ANGPTL3: variants seen among roughly 807,000 people sequenced by gnomAD.
ANGPTL3 encodes the protein angiopoietin-related protein 3.
ANGPTL3 carries 51 observed loss-of-function variants against 52.7 expected under a neutral mutation model. The observed-to-expected ratio is 0.97, with a 90% confidence interval of 0.77 to 1.22. ANGPTL3 has a LOEUF of 1.22. ANGPTL3 is among the 50% of genes most tolerant of loss of function. ANGPTL3 has a pLI of 0.00. For missense variants in ANGPTL3, 506 were observed against 520.7 expected (o/e 0.97, Z 0.27); for synonymous variants, 185 against 179.8 (o/e 1.03, Z -0.23).
chr1:62,604,475 T>C (rs1650650837), intron 6 of ANGPTL3, 158 bp from the exon 7 acceptor site: 3 of 924,222 alleles, frequency 3.2e-6, no homozygotes, highest in Non-Finnish European at 4.9e-6. Flanking sequence ...ATACAGATTA[T>C]TTAAAATTGG....
chr1:62,605,290 G>A lies in ANGPTL3; in HGVS notation c.*473G>A, dbSNP rs1395745995. On this transcript the variant is annotated 3_prime_UTR_variant, in exon 7 of 7. Coordinates refer to ENST00000371129, the MANE Select transcript of ANGPTL3 (RefSeq NM_014495.4). ...AGTATTAATTTCAAAACTAAAAATC[G>A]TCAGCACAGAGTATGTGTAAAAATC... 1 of 155,020 alleles carries A rather than the reference G, an allele frequency of 6.5e-6. No individual in the cohort carries two copies. Among genetic ancestry groups the A allele is most frequent in the African/African-American group, 2.4e-5 (1 of 41,530 alleles). The allele number at this position is 155,020 out of a possible 1,614,324, so 9.6% of individuals were successfully genotyped here. A position where few individuals can be genotyped will look rare whatever the true frequency, so the allele number is the denominator to read the frequency against.
intron 5 of ANGPTL3, 140 bp downstream of exon 5, chr1:62,602,520 T>C (rs1006481031): frequency 5.6e-6 from 4 of 716,026 alleles, no homozygotes; most frequent in Non-Finnish European, 9.9e-6. Context: ...TATCAAACAA[T>C]TACACATTTG....
At position 62,598,056 on chromosome 1, in the gene ANGPTL3, C is replaced by A. The variant is rs775976787; in HGVS notation, c.490C>A (p.Leu164Ile). The change falls in exon 1 of 7, where the codon CTT becomes ATT. Residue 164 changes from leucine to isoleucine, a missense_variant. Leu to Ile is a conservative substitution (Grantham distance 5). Transcript: ENST00000371129. ...ETPEHPEVTSLKTFVEKQDNS... is the reference protein window; with the variant it reads ...ETPEHPEVTSIKTFVEKQDNS... Reference sequence around the variant, plus strand: ...TCCAGAACACCCAGAAGTAACTTCACTTAAAGTAAGTAGAAAATAAAGAGG... The same window carrying A: ...TCCAGAACACCCAGAAGTAACTTCAATTAAAGTAAGTAGAAAATAAAGAGG... The A allele has an allele frequency of 6.3e-7, 1 of 1,580,328 alleles. No homozygotes were observed.
chr1:62,604,576 G>A, intron 6 of ANGPTL3, 57 bp from the exon 7 acceptor site: 2 of 1,526,074 alleles, frequency 1.3e-6, no homozygotes, highest in Middle Eastern at 3.4e-4. Flanking sequence ...GGGAAATACA[G>A]TAACAGTAAC....
At position 62,604,652 on chromosome 1, in the gene ANGPTL3, T is replaced by C. The variant is rs763799677; in HGVS notation, c.1218T>C (p.Asp406=). 3 of 1,613,148 alleles carry C rather than the reference T, an allele frequency of 1.9e-6. No individual in the cohort carries two copies. The highest frequency in any genetic ancestry group is 1.1e-5 in the South Asian group (1 of 91,070). The change falls in exon 7 of 7, where the codon GAT becomes GAC. Residue 406 remains aspartate, a synonymous_variant. Transcript: ENST00000371129. ...CTTTAGGAGGCTGGTGGTGGCATGA[T>C]GAGTGTGGAGAAAACAACCTAAATG... ...EGYSGGWWWH[D]ECGENNLNGK...
intron 5 of ANGPTL3, among the ~76,000 whole-genome samples, chr1:62,602,833 A>G (rs1231759636): frequency 6.6e-6 from 1 of 151,572 alleles, no homozygotes; most frequent in East Asian, 1.9e-4. Flanking sequence ...TAAAATTTCA[A>G]TTATTTAAAT....
chr1:62,601,410 G>C (rs963054907), intron 3 of ANGPTL3, among the ~76,000 whole-genome samples: 1 of 151,558 alleles, frequency 6.6e-6, no homozygotes, highest in Non-Finnish European at 1.5e-5. Context: ...AGATAATATA[G>C]AAGGTTTATT....
intron 6 of ANGPTL3, 147 bp downstream of exon 6, chr1:62,604,382 A>C: frequency 9.5e-7 from 1 of 1,047,728 alleles, no homozygotes; most frequent in Non-Finnish European, 1.4e-6. Context: ...AACTATAATG[A>C]AAGTGTTCAT....
chr1:62,602,573 A>G (rs1650312914), intron 5 of ANGPTL3, among the ~76,000 whole-genome samples, 193 bp downstream of exon 5: 1 of 151,780 alleles, frequency 6.6e-6, no homozygotes, highest in Non-Finnish European at 1.5e-5. Flanking sequence ...TTTGAATTAT[A>G]TTTATCACAA....
rs908659981 is a variant in ANGPTL3, at chr1:62,604,748, T to C, written c.1314T>C (p.Asn438=). The C allele has an allele frequency of 8.7e-6, 14 of 1,613,074 alleles. No homozygotes were observed. The African/African-American group carries it at 1.9e-4, about 22-fold the overall frequency. The change falls in exon 7 of 7, where the codon AAT becomes AAC. Residue 438 remains asparagine, a synonymous_variant. Coordinates refer to ENST00000371129, the MANE Select transcript of ANGPTL3 (RefSeq NM_014495.4). The part of the protein sequence containing the change: ...RRRGLSWKSQ[N]GRLYSIKSTK... ...GAGGATTATCTTGGAAGTCTCAAAA[T>C]GGAAGGTTATACTCTATAAAATCAA...
intron 3 of ANGPTL3, 77 bp downstream of exon 3, chr1:62,601,273 A>G: frequency 9.8e-7 from 1 of 1,017,430 alleles, no homozygotes; most frequent in Non-Finnish European, 1.5e-6. Context: ...TTCTAGACTA[A>G]AAGATAGTTA....
chr1:62,604,172 T>G lies in ANGPTL3; in HGVS notation c.1135T>G (p.Leu379Val), dbSNP rs1355948879. Reference sequence around the variant, plus strand: ...CAATGCAATCCCGGAAAACAAAGATTTGGTGTTTTCTACTTGGGATCACAA... The same window carrying G: ...CAATGCAATCCCGGAAAACAAAGATGTGGTGTTTTCTACTTGGGATCACAA... ...VPNAIPENKD[L>V]VFSTWDHKAK... is the part of the protein sequence containing the mutation. The change falls in exon 6 of 7, where the codon TTG (leucine) becomes GTG (valine). Residue 379 changes from leucine (L) to valine (V), a missense_variant. By Grantham distance (32) the Leu-to-Val change is conservative. Coordinates refer to ENST00000371129, the MANE Select transcript of ANGPTL3 (RefSeq NM_014495.4). 1.2e-6 allele frequency: 2 copies of G among 1,613,342 alleles called. No homozygotes were observed. Among genetic ancestry groups the G allele is most frequent in the Non-Finnish European group, 1.7e-6 (2 of 1,179,454 alleles).
At position 62,598,158 on chromosome 1, in the gene ANGPTL3, A is replaced by C; in HGVS notation, c.495+97A>C. 2.7e-6 allele frequency: 3 copies of C among 1,127,664 alleles called. No individual in the cohort carries two copies. The South Asian group carries it at 6.7e-5, about 25-fold the overall frequency. 69.9% of individuals were successfully genotyped at this position (1,127,664 alleles called of 1,614,324 possible). ...CATGCCATTTGAAATACTTTGTTGC[A>C]TTGTTGAAATACTTTTTTTTCCAAG... On this transcript the variant is annotated intron_variant, in intron 1 of 6. Coordinates refer to ENST00000371129, the MANE Select transcript of ANGPTL3 (RefSeq NM_014495.4).
Position 62,601,804 on chromosome 1 carries a change from G to A in ANGPTL3, c.757G>A (p.Gly253Ser). 1 of 1,609,618 alleles carries A rather than the reference G, an allele frequency of 6.2e-7. No individual in the cohort carries two copies. Among genetic ancestry groups the A allele is most frequent in the Non-Finnish European group, 8.5e-7 (1 of 1,177,072 alleles). The change falls in exon 4 of 7, where the codon GGT (glycine) becomes AGT (serine). Residue 253 changes from glycine (G) to serine (S), a missense_variant. By Grantham distance (56) the Gly-to-Ser change is moderately conservative (BLOSUM62 0). Coordinates refer to ENST00000371129, the MANE Select transcript of ANGPTL3 (RefSeq NM_014495.4). ...PAECTTIYNR[G>S]EHTSGMYAIR... ...TGAATGTACCACCATTTATAACAGA[G>A]GTGAACATACAAGTGGCATGTATGC...
intron 2 of ANGPTL3, among the ~76,000 whole-genome samples, chr1:62,599,337 G>A (rs1649766528): frequency 6.6e-6 from 1 of 151,882 alleles, no homozygotes; most frequent in South Asian, 2.1e-4. Flanking sequence ...TCCTCTAACT[G>A]GAACGCTCTT....
At chr1:62,602,732 C>T (rs1399517170) in intron 5 of ANGPTL3, among the ~76,000 whole-genome samples, 3 of 151,474 alleles carry the variant, frequency 2.0e-5, no homozygotes, top group Admixed American at 6.6e-5. Context: ...CCACTCCTAG[C>T]ATTAGTCACT....
chr1:62,604,296 T>G, intron 6 of ANGPTL3, 61 bp downstream of exon 6: 1 of 1,587,638 alleles, frequency 6.3e-7, no homozygotes, highest in Non-Finnish European at 8.6e-7. Flanking sequence ...CCCACATTAT[T>G]AGCTATTATC....
chr1:62,598,994 G>A (rs1649711905), intron 2 of ANGPTL3, among the ~76,000 whole-genome samples, 188 bp downstream of exon 2: 1 of 151,998 alleles, frequency 6.6e-6, no homozygotes, highest in African/African-American at 2.4e-5. Context: ...AACTTTGTGT[G>A]ACCTTGAATA....
rs755650059 is a variant in ANGPTL3, at chr1:62,604,029, TACG to T, written c.994_996del (p.Arg332del). The stretch of plus-strand genomic sequence containing the variant: ...ATAGTGAAGCAATCTAATTATGTTT[TACG>T]AATTGAGTTGGAAGACTGGAAAGAC... On this transcript the variant is annotated inframe_deletion, in exon 6 of 7. Coordinates refer to ENST00000371129, the MANE Select transcript of ANGPTL3 (RefSeq NM_014495.4). 4 of 1,613,128 alleles carry T rather than the reference TACG, an allele frequency of 2.5e-6. No individual in the cohort carries two copies. The highest frequency in any genetic ancestry group is 1.7e-4 in the Middle Eastern group (1 of 6,056).
Sources: gnomAD v4.1 joint callset for allele counts (sites outside exome capture counted in the v4.1 genomes callset) on GRCh38, gnomAD v4.1.1 for gene constraint, MANE v1.5 for transcripts, NCBI Gene and HGNC (gene_info 2026-07-23, HGNC 2026-07-21) for gene names.